KDM3A: variants seen among roughly 807,000 people sequenced by gnomAD.
The protein encoded by KDM3A is lysine-specific demethylase 3A.
KDM3A carries 60 observed loss-of-function variants against 158.0 expected under a neutral mutation model. The observed-to-expected ratio is 0.38, with a 90% CI of 0.31 to 0.47. The LOEUF is 0.47. KDM3A is among the 20% of genes least tolerant of loss of function. The pLI is 0.99. For missense variants in KDM3A, 1,319 were observed against 1,574.3 expected (o/e 0.84, Z 2.74); for synonymous variants, 608 against 549.3 (o/e 1.11, Z -1.49).
At chr2:86,458,996 GT>G (rs56377791) in intron 8 of KDM3A, among the ~76,000 whole-genome samples, 20,359 of 152,080 alleles carry the variant, frequency 0.13, 1,471 homozygotes, top group Non-Finnish European at 0.16. Context: ...GACAGCAGTA[GT>G]TGGATTTGGT....
rs139335286 is a variant in KDM3A at position 86,482,551 on chromosome 2, C to A, written c.2779C>A (p.Pro927Thr). The change falls in exon 18 of 26, where the codon CCT becomes ACT. Residue 927 changes from proline to threonine, a missense_variant. Around this residue, in one of 4 missense-constraint regions of KDM3A, gnomAD observed 368 missense variants for 415.8 expected, o/e 0.89. Coordinates refer to ENST00000312912, the MANE Select transcript of KDM3A (RefSeq NM_018433.6). ...NKTTSDLSKR[P>T]QGLTIKPSIL... The stretch of plus-strand genomic sequence containing the variant: ...GACGACTTCTGATTTATCTAAGAGG[C>A]CTCAAGGACTAACCATCAAGCCCAG... The A allele has an allele frequency of 1.1e-5, 18 of 1,614,016 alleles. No homozygotes were observed. Among genetic ancestry groups the A allele is most frequent in the East Asian group, 4.5e-5 (2 of 44,896 alleles).
At chr2:86,478,345 T>TA in intron 14 of KDM3A, 80 bp downstream of exon 14, 2 of 1,074,724 alleles carry the variant, frequency 1.9e-6, no homozygotes, top group Non-Finnish European at 2.8e-6. Flanking sequence ...TTTCCTTTAT[T>TA]ACTCGTTAAG....
Position 86,482,705 on chromosome 2 carries a change from C to A in KDM3A, c.2922+11C>A. The A allele has an allele frequency of 1.2e-6, 2 of 1,612,258 alleles. No homozygotes were observed. The highest frequency in any genetic ancestry group is 1.7e-6 in the Non-Finnish European group (2 of 1,179,522). Reference sequence around the variant, plus strand: ...TGGAAACAAGGGCAGGTAATGTAGGCCTCCCATCCTCCTGCCCTATTCAGA... The same window carrying A: ...TGGAAACAAGGGCAGGTAATGTAGGACTCCCATCCTCCTGCCCTATTCAGA... On this transcript the variant is annotated intron_variant, in intron 18 of 25. Transcript: ENST00000312912.
intron 5 of KDM3A, among the ~76,000 whole-genome samples, chr2:86,455,419 G>A (rs1321055847): frequency 6.6e-6 from 1 of 151,524 alleles, no homozygotes; most frequent in Non-Finnish European, 1.5e-5. Flanking sequence ...CACCCGGCTA[G>A]TTTTTGTATT....
intron 21 of KDM3A, among the ~76,000 whole-genome samples, chr2:86,486,212 G>A (rs919830389): frequency 6.6e-6 from 1 of 152,282 alleles, no homozygotes; most frequent in Admixed American, 6.5e-5. Context: ...CGGACATTTA[G>A]GTCAATCTGC....
intron 11 of KDM3A, 141 bp downstream of exon 11, chr2:86,470,549 G>C: frequency 1.6e-6 from 1 of 645,012 alleles, no homozygotes; most frequent in Non-Finnish European, 2.6e-6. Context: ...TCTCTAGGTT[G>C]GAGAATCTAG....
chr2:86,475,131 T>G (rs987723741), intron 12 of KDM3A, 141 bp downstream of exon 12: 2 of 691,056 alleles, frequency 2.9e-6, no homozygotes, highest in African/African-American at 3.6e-5. Flanking sequence ...CATTTTTCCT[T>G]TTGCAACAGG....
At chr2:86,469,777 A>C (rs991774949) in intron 10 of KDM3A, among the ~76,000 whole-genome samples, 1 of 152,214 alleles carries the variant, frequency 6.6e-6, no homozygotes, top group African/African-American at 2.4e-5. Flanking sequence ...TTAAAAACAC[A>C]CCTTAAACCA....
intron 8 of KDM3A, among the ~76,000 whole-genome samples, chr2:86,460,434 G>A (rs1324747601): frequency 2.6e-5 from 4 of 152,196 alleles, no homozygotes; most frequent in African/African-American, 7.2e-5. Context: ...TTTTGAAAAT[G>A]TATGAGTGAA....
At chr2:86,482,319 G>A in intron 17 of KDM3A, 139 bp from the exon 18 acceptor site, 1 of 1,381,122 alleles carries the variant, frequency 7.2e-7, no homozygotes, top group Non-Finnish European at 9.8e-7. Flanking sequence ...TGTCAAGTGG[G>A]GACAGGGGAC....
rs371267825 is a variant in KDM3A, at chr2:86,450,028, G to A, written c.342+66G>A. ...CATTTTATCCATTGTGGGTACAAAA[G>A]GAATATGTAAATGTAATGCCAGAAA... On this transcript the variant is annotated intron_variant, in intron 3 of 25. Transcript: ENST00000312912. 2.6e-5 allele frequency: 38 copies of A among 1,475,082 alleles called. No homozygotes were observed. In the African/African-American group the frequency reaches 5.2e-4, roughly 20 times the overall value. The allele number at this position is 1,475,082 out of a possible 1,614,324, so 91.4% of individuals were successfully genotyped here.
rs772294776 is a variant in KDM3A at position 86,482,594 on chromosome 2, C to A, written c.2822C>A (p.Thr941Asn). ...AAGCCCAGCATTCTGGGCTTTGACA[C>A]TCCTCACTATTGGCTTTGTGATAAT... ...TIKPSILGFDTPHYWLCDNRL... is the reference protein window; with the variant it reads ...TIKPSILGFDNPHYWLCDNRL... Residue 941 changes from threonine (T) to asparagine (N), a missense_variant, in exon 18 of 26, where the codon ACT (threonine) becomes AAT (asparagine). Around this residue, in one of 4 missense-constraint regions of KDM3A, gnomAD observed 368 missense variants for 415.8 expected, o/e 0.89. Transcript: ENST00000312912. 2.4e-5 allele frequency: 38 copies of A among 1,613,838 alleles called. No individual in the cohort carries two copies. The highest frequency in any genetic ancestry group is 3.2e-5 in the Non-Finnish European group (38 of 1,179,832).
chr2:86,460,398 T>G (rs538429990), intron 8 of KDM3A, among the ~76,000 whole-genome samples: 3 of 152,270 alleles, frequency 2.0e-5, no homozygotes, highest in Admixed American at 6.5e-5. Flanking sequence ...GCTGGAGAGA[T>G]AAAGGGAGCA....
At chr2:86,489,482 G>T in intron 22 of KDM3A, 38 bp from the exon 23 acceptor site, 1 of 1,612,076 alleles carries the variant, frequency 6.2e-7, no homozygotes, top group East Asian at 2.2e-5. Context: ...TTGAGCCAGG[G>T]CTTGTGGTCT....
chr2:86,489,410 C>G lies in KDM3A; in HGVS notation c.3406C>G (p.Pro1136Ala), dbSNP rs778304624. Residue 1136 changes from proline (P) to alanine (A), a missense_variant, in exon 22 of 26, where the codon CCC (proline) becomes GCC (alanine). Coordinates refer to ENST00000312912, the MANE Select transcript of KDM3A (RefSeq NM_018433.6). ...TAATGTCATGGTCTATGTGGGAATT[C>G]CCAAAGGACAGTGTGAGCAAGAAGA... ...AANVMVYVGI[P>A]KGQCEQEEEV... 7 of 1,613,978 alleles carry G rather than the reference C, an allele frequency of 4.3e-6. No homozygotes were observed. The highest frequency in any genetic ancestry group is 5.9e-6 in the Non-Finnish European group (7 of 1,179,962).
chr2:86,482,239 G>A (rs1673964973), intron 17 of KDM3A, 137 bp downstream of exon 17: 3 of 1,185,708 alleles, frequency 2.5e-6, no homozygotes, highest in Non-Finnish European at 3.6e-6. Context: ...CTGAGTCACT[G>A]GAGGATGGGT....
upstream of KDM3A, among the ~76,000 whole-genome samples, chr2:86,439,550 G>A (rs1232155529): frequency 1.3e-5 from 2 of 151,896 alleles, no homozygotes; most frequent in East Asian, 1.9e-4. Flanking sequence ...TGTTCCTTCA[G>A]GTTCAATAGA....
intron 10 of KDM3A, 110 bp downstream of exon 10, chr2:86,466,993 T>C (rs914504624): frequency 3.2e-6 from 3 of 925,634 alleles, no homozygotes; most frequent in South Asian, 1.9e-5. Flanking sequence ...AGAAATAGTT[T>C]ATACAGTCAG....
In KDM3A at chr2:86,487,018, T is replaced by G. The variant is rs138279037; in HGVS notation, c.3313+1159T>G. On this transcript the variant is annotated intron_variant, in intron 21 of 25. Coordinates refer to ENST00000312912, the MANE Select transcript of KDM3A (RefSeq NM_018433.6). The stretch of plus-strand genomic sequence containing the variant: ...CATGTGCTGTGGGTCTGCAGTGTGC[T>G]CTCTCGAGGTCCTGTCCCTCGAGCC... The G allele has an allele frequency of 4.6e-5, 7 of 152,354 alleles. No individual in the cohort carries two copies. In the East Asian group the frequency reaches 1.2e-3, roughly 25 times the overall value. 9.4% of individuals were successfully genotyped at this position (152,354 alleles called of 1,614,324 possible). A position where few individuals can be genotyped will look rare whatever the true frequency, so the allele number is the denominator to read the frequency against.
Sources: gnomAD v4.1 joint callset for allele counts (sites outside exome capture counted in the v4.1 genomes callset) on GRCh38, gnomAD v4.1.1 for gene constraint, gnomAD v4.1.1 regional missense constraint, MANE v1.5 for transcripts, NCBI Gene and HGNC (gene_info 2026-07-23, HGNC 2026-07-21) for gene names.